ZNRF2: variants seen among roughly 807,000 people sequenced by gnomAD.
ZNRF2 encodes E3 ubiquitin-protein ligase ZNRF2.
In ZNRF2, 16 loss-of-function variants were observed where a neutral mutation model predicts 20.4. The ratio of observed to expected loss-of-function variants is 0.79; its 90% CI spans 0.53 to 1.19. The LOEUF is 1.19. ZNRF2 is among the 50% of genes most tolerant of loss of function. The probability of loss-of-function intolerance (pLI) is 0.00; values close to 1 mark genes in which losing one functional copy is unlikely to be tolerated. For missense variants in ZNRF2, 363 were observed against 332.4 expected, an observed-to-expected ratio of 1.09 and a Z score of -0.72; for synonymous variants, 178 against 144.9, an observed-to-expected ratio of 1.23 and a Z score of -1.64.
chr7:30,315,776 A>G (rs926235397), intron 1 of ZNRF2, among the ~76,000 whole-genome samples: 2 of 150,706 alleles, frequency 1.3e-5, no homozygotes, highest in Admixed American at 1.3e-4. Flanking sequence ...ATACTTAAAG[A>G]ATCCTTGTAA....
chr7:30,341,043 A>G (rs1369612572), intron 2 of ZNRF2, among the ~76,000 whole-genome samples: 2 of 152,122 alleles, frequency 1.3e-5, no homozygotes, highest in South Asian at 2.1e-4. Context: ...TTTTTATAGT[A>G]TTCTCTGATG....
At chr7:30,321,170 T>TGGG (rs1799463686) in intron 1 of ZNRF2, among the ~76,000 whole-genome samples, 1 of 152,114 alleles carries the variant, frequency 6.6e-6, no homozygotes, top group African/African-American at 2.4e-5. Flanking sequence ...CATGCTCTAG[T>TGGG]GGGGGTATGG....
chr7:30,295,157 C>A (rs1323712854), intron 1 of ZNRF2, among the ~76,000 whole-genome samples: 5 of 145,228 alleles, frequency 3.4e-5, no homozygotes, highest in Non-Finnish European at 7.5e-5. Context: ...AAGCTGGGGC[C>A]TTGAGACTCT....
intron 1 of ZNRF2, among the ~76,000 whole-genome samples, chr7:30,322,429 CT>C (rs1268079470): frequency 6.6e-6 from 1 of 152,134 alleles, no homozygotes; most frequent in African/African-American, 2.4e-5. Context: ...GCCAAAACGT[CT>C]CTTTCACCAC....
intron 2 of ZNRF2, among the ~76,000 whole-genome samples, chr7:30,343,176 G>A (rs116953763): frequency 1.9e-3 from 282 of 152,108 alleles, no homozygotes; most frequent in Non-Finnish European, 3.4e-3. Flanking sequence ...TCAACCAAGC[G>A]TGGTGGTGCA....
At chr7:30,338,521 T>C (rs1583588751) in intron 2 of ZNRF2, among the ~76,000 whole-genome samples, 1 of 147,738 alleles carries the variant, frequency 6.8e-6, no homozygotes. Flanking sequence ...TGAGAACATG[T>C]GGTGTTTGGT....
At chr7:30,322,312 G>A (rs1223519728) in intron 1 of ZNRF2, among the ~76,000 whole-genome samples, 1 of 152,104 alleles carries the variant, frequency 6.6e-6, no homozygotes, top group Non-Finnish European at 1.5e-5. Flanking sequence ...TATAAAGTTC[G>A]GCATGAGGTA....
intron 2 of ZNRF2, among the ~76,000 whole-genome samples, chr7:30,336,821 T>C (rs555932612): frequency 5.6e-4 from 85 of 152,298 alleles, no homozygotes; most frequent in African/African-American, 1.9e-3. Context: ...ATTGTGAATA[T>C]AAGAGAAGCA....
intron 2 of ZNRF2, among the ~76,000 whole-genome samples, chr7:30,352,433 T>A (rs1178768585): frequency 2.0e-5 from 3 of 152,084 alleles, no homozygotes; most frequent in Non-Finnish European, 4.4e-5. Flanking sequence ...GTCTTTTAAC[T>A]TTTCTTTTCC....
chr7:30,365,062 C>T (rs1800188000), intron 4 of ZNRF2, among the ~76,000 whole-genome samples: 1 of 151,864 alleles, frequency 6.6e-6, no homozygotes, highest in Admixed American at 6.6e-5. Flanking sequence ...AAAGGCCCCA[C>T]CTCTTAATAC....
At chr7:30,305,876 A>G (rs1447206956) in intron 1 of ZNRF2, among the ~76,000 whole-genome samples, 1 of 152,134 alleles carries the variant, frequency 6.6e-6, no homozygotes, top group African/African-American at 2.4e-5. Flanking sequence ...CATCTGTCAT[A>G]CATGTTTCTA....
intron 1 of ZNRF2, among the ~76,000 whole-genome samples, chr7:30,307,314 C>T (rs1283330223): frequency 2.0e-4 from 17 of 84,762 alleles, no homozygotes; most frequent in African/African-American, 7.3e-4. Context: ...CTTCTTTCTG[C>T]TGTTTTTTTT....
At chr7:30,334,149 T>G (rs535989232) in intron 2 of ZNRF2, among the ~76,000 whole-genome samples, 145 of 152,180 alleles carry the variant, frequency 9.5e-4, no homozygotes, top group Non-Finnish European at 1.7e-3. Context: ...AGTCTTTAGT[T>G]CATCTTGCGT....
At chr7:30,287,117 C>T (rs1252323662) in intron 1 of ZNRF2, among the ~76,000 whole-genome samples, 2 of 152,150 alleles carry the variant, frequency 1.3e-5, no homozygotes, top group Non-Finnish European at 2.9e-5. Flanking sequence ...TAAAAATATT[C>T]ATCCCTCTTA....
In ZNRF2 at chr7:30,355,885, A is replaced by G. The variant is rs868747511; in HGVS notation, c.671+52A>G. On this transcript the variant is annotated intron_variant, in intron 3 of 4. Coordinates refer to ENST00000323037, the MANE Select transcript of ZNRF2 (RefSeq NM_147128.4). ...TAAAAGATTGTTCTCACAGTTTCAG[A>G]CATTGTAATTAGGGCTGAAAAGGAA... 2.9e-6 allele frequency: 4 copies of G among 1,395,340 alleles called. No homozygotes were observed. In the African/African-American group the frequency reaches 5.7e-5, roughly 20 times the overall value. The allele number at this position is 1,395,340 out of a possible 1,614,324, so 86.4% of individuals were successfully genotyped here.
intron 1 of ZNRF2, among the ~76,000 whole-genome samples, chr7:30,295,042 AGAGAGAGAGTGTGTGTGTGT>A (rs1444204429): frequency 8.7e-5 from 10 of 114,990 alleles, no homozygotes; most frequent in African/African-American, 3.3e-4. Flanking sequence ...AGAGAGAGAG[AGAGAGAGAGTGTGTGTGTGT>A]GTGTGTGTGT....
chr7:30,336,818 A>T (rs1338308690), intron 2 of ZNRF2, among the ~76,000 whole-genome samples: 1 of 152,162 alleles, frequency 6.6e-6, no homozygotes, highest in Admixed American at 6.5e-5. Flanking sequence ...GAAATTGTGA[A>T]TATAAGAGAA....
At position 30,335,601 on chromosome 7, in the gene ZNRF2, T is replaced by C. The variant is rs185326192; in HGVS notation, c.565+11864T>C. ...TATGTATACATACAGTAAAAATAAATTAGTTCTTCATTCTTGAAAGGATGA... is the reference window on the plus strand; with the variant it reads ...TATGTATACATACAGTAAAAATAAACTAGTTCTTCATTCTTGAAAGGATGA... On this transcript the variant is annotated intron_variant, in intron 2 of 4. Transcript: ENST00000323037. Among the ~76,000 whole-genome samples, 24 of 152,130 alleles carry C rather than the reference T, an allele frequency of 1.6e-4. No homozygotes were observed. The East Asian group carries it at 4.4e-3, about 28-fold the overall frequency.
At chr7:30,360,955 A>G (rs1800117484) in intron 3 of ZNRF2, among the ~76,000 whole-genome samples, 1 of 152,212 alleles carries the variant, frequency 6.6e-6, no homozygotes, top group Admixed American at 6.5e-5. Context: ...AGGGAATATA[A>G]TCATGTAAAT....
Sources: allele counts gnomAD v4.1 joint callset (sites outside exome capture counted in the v4.1 genomes callset), GRCh38; gene constraint gnomAD v4.1.1; transcripts MANE v1.5; gene names NCBI Gene and HGNC (gene_info 2026-07-23, HGNC 2026-07-21).